Variants in SCARB2 observed in about 807,000 individuals in gnomAD.
The protein encoded by SCARB2 is scavenger receptor class B member 2.
Under a neutral mutation model 58.6 loss-of-function variants are expected in SCARB2, and 29 were observed. The ratio of observed to expected loss-of-function variants is 0.49; its 90% CI spans 0.37 to 0.67. The LOEUF (loss-of-function observed/expected upper bound fraction) is 0.67, where lower values mean the gene tolerates loss of function less well. Among genes scored for constraint, SCARB2 ranks in the 30% least tolerant of loss-of-function variants. The pLI, the probability that SCARB2 is intolerant of heterozygous loss-of-function variation, is 0.00. For missense variants in SCARB2, 488 were observed against 578.5 expected, an observed-to-expected ratio of 0.84 and a Z score of 1.60; for synonymous variants, 195 against 210.1, an observed-to-expected ratio of 0.93 and a Z score of 0.62.
intron 1 of SCARB2, among the ~76,000 whole-genome samples, chr4:76,221,554 A>G (rs1013541985): frequency 6.6e-6 from 1 of 152,138 alleles, no homozygotes; most frequent in Non-Finnish European, 1.5e-5. Context: ...TCCTGACCTC[A>G]GGTGATCCAT....
At chr4:76,224,030 C>T (rs1733352691) in intron 1 of SCARB2, among the ~76,000 whole-genome samples, 1 of 152,212 alleles carries the variant, frequency 6.6e-6, no homozygotes, top group African/African-American at 2.4e-5. Flanking sequence ...GAGACCTCCC[C>T]ACAAACACAG....
chr4:76,175,780 A>T lies in SCARB2; in HGVS notation c.824+11T>A. ...TATTTTTGAAAAAGAACTTATCTTT[A>T]AAGCTTTTACCTGCAAAAGTCAGAT... On this transcript the variant is annotated intron_variant, in intron 6 of 11. Coordinates refer to ENST00000264896, the MANE Select transcript of SCARB2 (RefSeq NM_005506.4). The T allele has an allele frequency of 6.2e-7, 1 of 1,613,904 alleles. No individual in the cohort carries two copies. Among genetic ancestry groups the T allele is most frequent in the Non-Finnish European group, 8.5e-7 (1 of 1,179,956 alleles).
intron 6 of SCARB2, chr4:76,174,518 C>A: frequency 1.8e-6 from 1 of 571,238 alleles, no homozygotes. Flanking sequence ...ATTGTAGCAA[C>A]GGTGATATCA....
intron 1 of SCARB2, among the ~76,000 whole-genome samples, chr4:76,225,144 T>G (rs1578751135): frequency 6.6e-6 from 1 of 152,282 alleles, no homozygotes; most frequent in East Asian, 1.9e-4. Context: ...CTGAGTAGTA[T>G]TCCATAGTAA....
At chr4:76,209,935 A>G (rs1733005954) in intron 1 of SCARB2, among the ~76,000 whole-genome samples, 1 of 152,132 alleles carries the variant, frequency 6.6e-6, no homozygotes, top group South Asian at 2.1e-4. Flanking sequence ...CTGCATCCCT[A>G]TTACTGGGAG....
Position 76,170,966 on chromosome 4 carries a change from A to C in SCARB2, c.995-981T>G, listed in dbSNP as rs1029494343. On this transcript the variant is annotated intron_variant, in intron 7 of 11. Transcript: ENST00000264896. The stretch of plus-strand genomic sequence containing the variant: ...TTTAAATATATATATATATATATAT[A>C]TATATAACCAAATAGGGAAACAAGT... Among the ~76,000 whole-genome samples the C allele has an allele frequency of 5.1e-5, 7 of 136,234 alleles. No homozygotes were observed. In the South Asian group the frequency reaches 1.4e-3, roughly 27 times the overall value. 89.4% of individuals were successfully genotyped at this position (136,234 alleles called of 152,430 possible).
At chr4:76,168,097 A>G (rs1012435845) in intron 9 of SCARB2, among the ~76,000 whole-genome samples, 1 of 152,248 alleles carries the variant, frequency 6.6e-6, no homozygotes, top group African/African-American at 2.4e-5. Flanking sequence ...TAGCCAAGTT[A>G]CCTAAACACT....
chr4:76,181,730 A>G (rs1249164179), intron 2 of SCARB2, among the ~76,000 whole-genome samples: 1 of 151,896 alleles, frequency 6.6e-6, no homozygotes, highest in Non-Finnish European at 1.5e-5. Context: ...ACACCCAGCT[A>G]ATTGTTTTAT....
At chr4:76,198,849 T>A (rs1383155868) in intron 1 of SCARB2, among the ~76,000 whole-genome samples, 7 of 148,566 alleles carry the variant, frequency 4.7e-5, no homozygotes, top group African/African-American at 1.7e-4. Flanking sequence ...TGAGTGTGTG[T>A]GTGTGTGTGT....
rs143813116 is a variant in SCARB2, at chr4:76,182,955, G to A, written c.276-1854C>T. Among the ~76,000 whole-genome samples the A allele has an allele frequency of 4.5e-3, 683 of 152,228 alleles. 3 individuals carry two copies. The highest frequency in any genetic ancestry group is 0.016 in the African/African-American group (657 of 41,536). On this transcript the variant is annotated intron_variant, in intron 2 of 11. Transcript: ENST00000264896. ...AAATACATCACTTTCACACAATCGC[G>A]AAGTCAAAACATCATTCAAGTTGAA...
chr4:76,169,546 T>C (rs1374611496), intron 8 of SCARB2, among the ~76,000 whole-genome samples: 8 of 152,162 alleles, frequency 5.3e-5, no homozygotes, highest in Non-Finnish European at 8.8e-5. Flanking sequence ...GAAATAAATA[T>C]ATGTTGAGGT....
chr4:76,177,575 A>G (rs541359454), intron 4 of SCARB2, among the ~76,000 whole-genome samples: 3 of 152,350 alleles, frequency 2.0e-5, no homozygotes, highest in Admixed American at 6.5e-5. Flanking sequence ...TTGTATGAAC[A>G]AATATTCATA....
rs573468332 is a variant in SCARB2 at position 76,181,681 on chromosome 4, C to T, written c.276-580G>A. Reference sequence around the variant, plus strand: ...CTGGGCTCAAACAATCCTCCCACCTCAGCCTCCCAAGTAGCTAGAAGTACA... The same window carrying T: ...CTGGGCTCAAACAATCCTCCCACCTTAGCCTCCCAAGTAGCTAGAAGTACA... On this transcript the variant is annotated intron_variant, in intron 2 of 11. Transcript: ENST00000264896. Among the ~76,000 whole-genome samples the T allele has an allele frequency of 5.9e-5, 9 of 152,258 alleles. No individual in the cohort carries two copies. In the South Asian group the frequency reaches 1.9e-3, roughly 32 times the overall value.
At chr4:76,217,287 G>C (rs1455872117), upstream of SCARB2, among the ~76,000 whole-genome samples, 1 of 152,168 alleles carries the variant, frequency 6.6e-6, no homozygotes, top group Non-Finnish European at 1.5e-5. Flanking sequence ...GCTGATGCCA[G>C]GGCAGGGAGA....
intron 2 of SCARB2, among the ~76,000 whole-genome samples, chr4:76,188,568 C>T (rs1215956271): frequency 3.3e-5 from 5 of 152,214 alleles, no homozygotes; most frequent in African/African-American, 7.2e-5. Context: ...TACTAACTGG[C>T]GAAAGGGGCT....
intron 1 of SCARB2, among the ~76,000 whole-genome samples, chr4:76,211,270 G>T (rs189598800): frequency 7.5e-4 from 115 of 152,326 alleles, no homozygotes; most frequent in African/African-American, 2.7e-3. Flanking sequence ...TTAACTTTGC[G>T]AGTTTCATGG....
At chr4:76,174,399 G>A (rs900701799) in intron 6 of SCARB2, 86 bp from the exon 7 acceptor site, 21 of 1,229,784 alleles carry the variant, frequency 1.7e-5, no homozygotes, top group Non-Finnish European at 2.4e-5. Flanking sequence ...CAGTTCTCAG[G>A]TACAACATGG....
At chr4:76,176,016 GTATCTTAT>G (rs1732245128) in intron 5 of SCARB2, 106 bp from the exon 6 acceptor site, 1 of 1,334,032 alleles carries the variant, frequency 7.5e-7, no homozygotes, top group South Asian at 1.2e-5. Flanking sequence ...TCTATCCACA[GTATCTTAT>G]TCATACACAG....
intron 1 of SCARB2, among the ~76,000 whole-genome samples, chr4:76,198,258 G>C (rs564238196): frequency 6.6e-6 from 1 of 152,190 alleles, no homozygotes; most frequent in African/African-American, 2.4e-5. Flanking sequence ...AATCACCTCA[G>C]AATTAGGAAC....
Sources: allele counts gnomAD v4.1 joint callset (sites outside exome capture counted in the v4.1 genomes callset), GRCh38; gene constraint gnomAD v4.1.1; transcripts MANE v1.5; gene names NCBI Gene and HGNC (gene_info 2026-07-23, HGNC 2026-07-21).